Variants in VIT observed in about 807,000 individuals in gnomAD.
VIT encodes the protein vitrin.
In VIT, 99 loss-of-function variants were observed where a neutral mutation model predicts 78.0. The observed-to-expected ratio is 1.27, with a 90% CI of 1.08 to 1.50. The LOEUF (loss-of-function observed/expected upper bound fraction) is 1.50, where lower values mean the gene tolerates loss of function less well. Among genes scored for constraint, VIT ranks in the 40% most tolerant of loss-of-function variants. The pLI is 0.00. For synonymous variants in VIT, 374 were observed against 334.3 expected (o/e 1.12, Z -1.29); for missense variants, 1,126 against 875.3 (o/e 1.29, Z -3.61).
In VIT at chr2:36,808,884, T is replaced by C. The variant is rs1322531822; in HGVS notation, c.1802T>C (p.Phe601Ser). Residue 601 changes from phenylalanine to serine, a missense_variant, in exon 15 of 16, where the codon TTC (phenylalanine) becomes TCC (serine). By Grantham distance (155) the Phe-to-Ser change is radical. Transcript: ENST00000379242. The stretch of plus-strand genomic sequence containing the variant: ...ATCAACTTCGCCCTGGAGCAGCTCT[T>C]CAAGAAGTCCAAGCCCAACAAGAGG... Reference protein sequence around the residue: ...AAINFALEQLFKKSKPNKRKL... With the variant: ...AAINFALEQLSKKSKPNKRKL... 2 of 1,613,966 alleles carry C rather than the reference T, an allele frequency of 1.2e-6. No homozygotes were observed. The highest frequency in any genetic ancestry group is 1.3e-5 in the African/African-American group (1 of 74,906).
At chr2:36,805,998 TCA>T (rs941060114) in intron 14 of VIT, among the ~76,000 whole-genome samples, 7 of 150,870 alleles carry the variant, frequency 4.6e-5, no homozygotes, top group South Asian at 2.1e-4. Context: ...TCTCTCTCTC[TCA>T]CACACACACA....
intron 1 of VIT, among the ~76,000 whole-genome samples, chr2:36,700,229 A>G (rs1664966661): frequency 1.3e-5 from 2 of 152,192 alleles, no homozygotes; most frequent in Admixed American, 1.3e-4. Context: ...CAAATAATAA[A>G]TAAGAGAGGC....
chr2:36,777,859 T>G (rs958830890), intron 9 of VIT, among the ~76,000 whole-genome samples: 38 of 152,208 alleles, frequency 2.5e-4, no homozygotes, highest in African/African-American at 8.7e-4. Flanking sequence ...TCCATTCCCT[T>G]TACTGATAAA....
intron 13 of VIT, among the ~76,000 whole-genome samples, chr2:36,804,642 CAACATGGTGA>C (rs1558589547): frequency 6.6e-6 from 1 of 152,070 alleles, no homozygotes; most frequent in East Asian, 1.9e-4. Flanking sequence ...CCATCCTGGC[CAACATGGTGA>C]AACCCCATCT....
At chr2:36,756,084 A>G (rs1282544881) in intron 5 of VIT, among the ~76,000 whole-genome samples, 1 of 149,738 alleles carries the variant, frequency 6.7e-6, no homozygotes, top group Non-Finnish European at 1.5e-5. Context: ...CAGCCTCCCG[A>G]GTAGCTGGGA....
chr2:36,726,559 C>T, intron 2 of VIT, among the ~76,000 whole-genome samples: 1 of 152,118 alleles, frequency 6.6e-6, no homozygotes, highest in Non-Finnish European at 1.5e-5. Context: ...TAAAAAGCCT[C>T]AGGCCGGGTG....
At chr2:36,772,352 C>G (rs1356559911) in intron 7 of VIT, among the ~76,000 whole-genome samples, 1 of 152,138 alleles carries the variant, frequency 6.6e-6, no homozygotes, top group Non-Finnish European at 1.5e-5. Flanking sequence ...GCCTGACCGA[C>G]ATGGAGAAAA....
At chr2:36,709,021 A>C (rs951113813) in intron 1 of VIT, among the ~76,000 whole-genome samples, 9 of 152,130 alleles carry the variant, frequency 5.9e-5, no homozygotes, top group Non-Finnish European at 1.3e-4. Flanking sequence ...ATGGTGGTGG[A>C]TGCCTGTAAT....
intron 12 of VIT, among the ~76,000 whole-genome samples, chr2:36,789,330 C>A (rs1665323490): frequency 6.6e-6 from 1 of 152,194 alleles, no homozygotes; most frequent in African/African-American, 2.4e-5. Flanking sequence ...CCAGCCCTGG[C>A]GTCCTGTAAT....
chr2:36,798,727 C>G (rs1254307666), intron 12 of VIT, among the ~76,000 whole-genome samples: 1 of 152,104 alleles, frequency 6.6e-6, no homozygotes, highest in Non-Finnish European at 1.5e-5. Flanking sequence ...CCACTGCACT[C>G]CAGCCTGGGC....
chr2:36,708,752 C>G (rs1446509336), intron 1 of VIT, among the ~76,000 whole-genome samples: 1 of 152,178 alleles, frequency 6.6e-6, no homozygotes, highest in Non-Finnish European at 1.5e-5. Context: ...TCCCAGTCCC[C>G]ACGTTTCAGG....
intron 14 of VIT, among the ~76,000 whole-genome samples, chr2:36,807,369 C>A (rs976599334): frequency 1.6e-4 from 24 of 152,244 alleles, no homozygotes; most frequent in African/African-American, 5.8e-4. Context: ...AGTCTCCCAT[C>A]CACACCCAGC....
At chr2:36,757,084 A>C (rs922201678) in intron 5 of VIT, among the ~76,000 whole-genome samples, 1 of 152,194 alleles carries the variant, frequency 6.6e-6, no homozygotes, top group East Asian at 1.9e-4. Flanking sequence ...TCTCGAATGG[A>C]TGAGTTAGGA....
chr2:36,787,845 G>T (rs1369192675), intron 12 of VIT: 1 of 456,192 alleles, frequency 2.2e-6, no homozygotes, highest in Admixed American at 2.4e-5. Flanking sequence ...TGGGTGGGAA[G>T]AGAGACGGCC....
chr2:36,761,891 C>T (rs12053542), intron 6 of VIT, among the ~76,000 whole-genome samples: 70,569 of 151,880 alleles, frequency 0.46, 18,216 homozygotes, highest in East Asian at 0.65. Context: ...ACAGTAACCC[C>T]GAGGTAGAGT....
chr2:36,783,683 C>T (rs190449491), intron 11 of VIT, among the ~76,000 whole-genome samples: 82 of 152,136 alleles, frequency 5.4e-4, no homozygotes, highest in African/African-American at 1.7e-3. Context: ...AAGGAGGAGA[C>T]GGGCAGGTTA....
chr2:36,809,693 T>C (rs1667009960), intron 15 of VIT, among the ~76,000 whole-genome samples: 1 of 152,112 alleles, frequency 6.6e-6, no homozygotes, highest in Non-Finnish European at 1.5e-5. Context: ...AGAATTACAG[T>C]AGTGAGTCAC....
chr2:36,803,009 G>C (rs897539427), intron 13 of VIT, among the ~76,000 whole-genome samples: 1 of 152,186 alleles, frequency 6.6e-6, no homozygotes, highest in Non-Finnish European at 1.5e-5. Flanking sequence ...TCTGAATTTT[G>C]CCATGGCAAC....
chr2:36,727,433 G>A (rs1251876516), intron 2 of VIT, among the ~76,000 whole-genome samples: 1 of 152,214 alleles, frequency 6.6e-6, no homozygotes, highest in Non-Finnish European at 1.5e-5. Flanking sequence ...CAGAGTACAG[G>A]AAGGGCCAGG....
Sources: allele counts gnomAD v4.1 joint callset (sites outside exome capture counted in the v4.1 genomes callset), GRCh38; gene constraint gnomAD v4.1.1; transcripts MANE v1.5; gene names NCBI Gene and HGNC (gene_info 2026-07-23, HGNC 2026-07-21).